MYH8: variants seen among roughly 807,000 people sequenced by gnomAD.
The protein encoded by MYH8 is myosin heavy chain 8, also known as myosin-8.
A neutral mutation model predicts 233.2 loss-of-function variants in MYH8; 168 were observed. The observed-to-expected ratio is 0.72, with a 90% CI of 0.64 to 0.82. The LOEUF (loss-of-function observed/expected upper bound fraction) is 0.82. MYH8 is among the 40% of genes least tolerant of loss of function. The pLI is 0.00. For synonymous variants in MYH8, 785 were observed against 850.6 expected, an observed-to-expected ratio of 0.92 and a Z score of 1.34; for missense variants, 1,995 against 2,327.8, an observed-to-expected ratio of 0.86 and a Z score of 2.94.
Position 10,392,542 on chromosome 17 carries a change from CT to C in MYH8, c.5567del (p.Gln1856ArgfsTer16). 3 of 1,613,470 alleles carry C rather than the reference CT, an allele frequency of 1.9e-6. 1 individual carries two copies. The highest frequency in any genetic ancestry group is 1.7e-4 in the Middle Eastern group (1 of 6,054). On this transcript the variant is annotated frameshift_variant and splice_region_variant, in exon 38 of 40. Transcript: ENST00000403437. LOFTEE classifies it high-confidence loss of function. ...HERRVKELTY[Q>X]TEEDRKNVLR... ...TATTCTGGAAGGCTATTCCCTTTAC[CT>C]GGTAGGTGAGTTCTTTTACTCGTCG...
In MYH8 at chr17:10,415,588, A is replaced by G; in HGVS notation, c.540-8T>C. Reference sequence around the variant, plus strand: ...CCGGCACCAGATTCTCCGCTGTCAAACAGAAATCAGAGAAGAGATCAGAGA... The same window carrying G: ...CCGGCACCAGATTCTCCGCTGTCAAGCAGAAATCAGAGAAGAGATCAGAGA... On this transcript the variant is annotated splice_region_variant and splice_polypyrimidine_tract_variant and intron_variant, in intron 6 of 39. Coordinates refer to ENST00000403437, the MANE Select transcript of MYH8 (RefSeq NM_002472.3). This position sits in a 1 kb window ranked among gnomAD's most constrained non-coding sequence, Gnocchi z 4.1. 2 of 1,614,156 alleles carry G rather than the reference A, an allele frequency of 1.2e-6. No individual in the cohort carries two copies. Among genetic ancestry groups the G allele is most frequent in the Non-Finnish European group, 1.7e-6 (2 of 1,179,978 alleles).
intron 17 of MYH8, 96 bp downstream of exon 17, chr17:10,409,001 T>C (rs558415873): frequency 8.9e-7 from 1 of 1,129,598 alleles, no homozygotes; most frequent in Non-Finnish European, 1.3e-6. Flanking sequence ...AAGTGATTCC[T>C]ATTAACATTT....
Position 10,404,340 on chromosome 17 carries a change from T to C in MYH8, c.2678A>G (p.Gln893Arg). 6.2e-7 allele frequency: 1 copy of C among 1,614,026 alleles called. No individual in the cohort carries two copies. The highest frequency in any genetic ancestry group is 8.5e-7 in the Non-Finnish European group (1 of 1,179,894). The change falls in exon 22 of 40, where the codon CAG becomes CGG. Residue 893 changes from glutamine to arginine, a missense_variant. Physicochemically the swap from Gln to Arg is conservative, Grantham distance 43. This residue lies in a region of MYH8 where 1,498 missense variants were observed against 1,680.9 expected (regional missense o/e 0.89). Transcript: ENST00000403437. ...ATATGGAGTACTCACAGATTGAACCTGGAGTTGCAGGTCATTTTTCTCTTT... is the reference window on the plus strand; with the variant it reads ...ATATGGAGTACTCACAGATTGAACCCGGAGTTGCAGGTCATTTTTCTCTTT... ...LLKEKNDLQL[Q>R]VQSEADSLAD...
Position 10,406,892 on chromosome 17 carries a change from C to T in MYH8, c.2053G>A (p.Gly685Arg). ...GATTATTTCACTCTCTGTGTCTTAC[C>T]AGGAGTTTTGGTTTCATTGGGAATG... Reference protein sequence around the residue: ...CIIPNETKTPGAMEHELVLHQ... With the variant: ...CIIPNETKTPRAMEHELVLHQ... Residue 685 changes from glycine (G) to arginine (R), a missense_variant and splice_region_variant, in exon 18 of 40, where the codon GGG becomes AGG. Gly to Arg is a moderately radical substitution (Grantham distance 125, BLOSUM62 -2). Transcript: ENST00000403437. The T allele has an allele frequency of 6.2e-7, 1 of 1,613,672 alleles. No individual in the cohort carries two copies. The highest frequency in any genetic ancestry group is 1.1e-5 in the South Asian group (1 of 91,046).
Position 10,401,707 on chromosome 17 carries a change from T to C in MYH8, c.2767A>G (p.Lys923Glu). 6.2e-7 allele frequency: 1 copy of C among 1,614,182 alleles called. No homozygotes were observed. The highest frequency in any genetic ancestry group is 8.5e-7 in the Non-Finnish European group (1 of 1,180,032). ...TCCTCAGCTCTTTCAGTCACCTCTT[T>C]GATTTTGGCCTCAAGTTGGATTTTG... Reference protein sequence around the residue: ...KNKIQLEAKIKEVTERAEEEE... With the variant: ...KNKIQLEAKIEEVTERAEEEE... Residue 923 changes from lysine (K) to glutamate (E), a missense_variant, in exon 23 of 40, where the codon AAA (lysine) becomes GAA (glutamate). Physicochemically the swap from Lys to Glu is moderately conservative, Grantham distance 56. Transcript: ENST00000403437.
In MYH8 at chr17:10,396,389, T is replaced by C; in HGVS notation, c.4594A>G (p.Ile1532Val). The part of the protein sequence containing the change: ...GGKQIHELEK[I>V]KKQVEQEKCE... ...TTCTCTTGTTCTACTTGCTTCTTTA[T>C]TTTCTCCAATTCATGAATTTGCTTT... Residue 1532 changes from isoleucine (I) to valine (V), a missense_variant, in exon 33 of 40, where the codon ATA (isoleucine) becomes GTA (valine). Physicochemically the swap from Ile to Val is conservative, Grantham distance 29. This residue lies in a region of MYH8 where 1,498 missense variants were observed against 1,680.9 expected (regional missense o/e 0.89). Coordinates refer to ENST00000403437, the MANE Select transcript of MYH8 (RefSeq NM_002472.3). This position sits in a 1 kb window ranked among gnomAD's most constrained non-coding sequence, Gnocchi z 4.2. The C allele has an allele frequency of 5.6e-6, 9 of 1,614,112 alleles. No individual in the cohort carries two copies. The highest frequency in any genetic ancestry group is 7.6e-6 in the Non-Finnish European group (9 of 1,180,028).
chr17:10,410,956 A>G lies in MYH8; in HGVS notation c.1417-9T>C. The G allele has an allele frequency of 1.2e-6, 2 of 1,614,148 alleles. No individual in the cohort carries two copies. The highest frequency in any genetic ancestry group is 1.7e-6 in the Non-Finnish European group (2 of 1,179,990). On this transcript the variant is annotated splice_polypyrimidine_tract_variant and intron_variant, in intron 14 of 39. Coordinates refer to ENST00000403437, the MANE Select transcript of MYH8 (RefSeq NM_002472.3). ...TGCTCCAGGCTGTTAAACTACACAA[A>G]ATAATAGAGATTTCCAACATCAAAT... is the stretch of plus-strand genomic sequence containing the variant.
chr17:10,392,149 G>C (rs945055850), intron 38 of MYH8, among the ~76,000 whole-genome samples, 172 bp from the exon 39 acceptor site: 9 of 152,162 alleles, frequency 5.9e-5, no homozygotes, highest in African/African-American at 2.4e-5. Flanking sequence ...TTTCCACTGT[G>C]CAGGTACTGT....
At chr17:10,394,120 G>T in intron 35 of MYH8, 129 bp downstream of exon 35, 1 of 1,233,064 alleles carries the variant, frequency 8.1e-7, no homozygotes, top group South Asian at 1.3e-5. Context: ...TAATAGCAAT[G>T]AGTATTTTTG....
In MYH8 at chr17:10,392,560, T is replaced by C. The variant is rs760983906; in HGVS notation, c.5550A>G (p.Val1850=). Residue 1850 remains valine, a synonymous_variant, in exon 38 of 40, where the codon GTA becomes GTG. Coordinates refer to ENST00000403437, the MANE Select transcript of MYH8 (RefSeq NM_002472.3). ...CCTTTACCTGGTAGGTGAGTTCTTT[T>C]ACTCGTCGCTCATGTTTCCGTAAAC... ...VKGLRKHERR[V]KELTYQTEED... is the part of the protein sequence containing the mutation. The C allele has an allele frequency of 3.7e-6, 6 of 1,614,064 alleles. No homozygotes were observed. Among genetic ancestry groups the C allele is most frequent in the Non-Finnish European group, 2.5e-6 (3 of 1,179,994 alleles).
At chr17:10,399,765 T>A in intron 27 of MYH8, 96 bp from the exon 28 acceptor site, 3 of 1,539,636 alleles carry the variant, frequency 1.9e-6, no homozygotes, top group Non-Finnish European at 2.7e-6. Context: ...TAAATTCATG[T>A]CAAGTGTGAG....
chr17:10,409,873 A>G (rs942498827), intron 15 of MYH8, among the ~76,000 whole-genome samples: 1 of 152,224 alleles, frequency 6.6e-6, no homozygotes, highest in Non-Finnish European at 1.5e-5. Context: ...TTTCCTATTC[A>G]GTGAATAAAT....
In MYH8 at chr17:10,396,117, C is replaced by G. The variant is rs2072075901; in HGVS notation, c.4653+213G>C. ...TTGTTCTTAGATTGCACATCTTTGC[C>G]TTAAAGCTTTACTCCATTTGACATC... On this transcript the variant is annotated intron_variant, in intron 33 of 39. Coordinates refer to ENST00000403437, the MANE Select transcript of MYH8 (RefSeq NM_002472.3). This position sits in a 1 kb window ranked among gnomAD's most constrained non-coding sequence, Gnocchi z 4.2. 6.6e-6 allele frequency among the ~76,000 whole-genome samples: 1 copy of G among 152,112 alleles called. No individual in the cohort carries two copies. Among genetic ancestry groups the G allele is most frequent in the Admixed American group, 6.6e-5 (1 of 15,266 alleles).
intron 9 of MYH8, 152 bp from the exon 10 acceptor site, chr17:10,414,636 C>CA: frequency 1.5e-6 from 1 of 675,202 alleles, no homozygotes; most frequent in Non-Finnish European, 2.7e-6. Flanking sequence ...CAGTGATTCT[C>CA]ACTGTCTAAG....
At chr17:10,401,509 A>ACC in intron 23 of MYH8, 34 bp downstream of exon 23, 1 of 1,614,088 alleles carries the variant, frequency 6.2e-7, no homozygotes, top group Non-Finnish European at 8.5e-7. Context: ...TGGTGGCAGA[A>ACC]CCTCTATACA....
intron 17 of MYH8, among the ~76,000 whole-genome samples, chr17:10,408,591 G>A (rs2072216225): frequency 6.6e-6 from 1 of 152,152 alleles, no homozygotes; most frequent in Admixed American, 6.5e-5. Context: ...AATCTCAAGA[G>A]ATATTTCGTA....
intron 11 of MYH8, 67 bp from the exon 12 acceptor site, chr17:10,414,107 T>A: frequency 1.2e-6 from 2 of 1,609,670 alleles, no homozygotes; most frequent in Non-Finnish European, 1.7e-6. Context: ...AATTTATACA[T>A]ATCCTAAGGT....
At chr17:10,399,799 G>T in intron 27 of MYH8, 130 bp from the exon 28 acceptor site, 1 of 1,326,280 alleles carries the variant, frequency 7.5e-7, no homozygotes, top group Non-Finnish European at 1.0e-6. Flanking sequence ...CATCAACTCT[G>T]TGGAACATGC....
Position 10,406,993 on chromosome 17 carries a change from C to A in MYH8, c.1966-14G>T. The stretch of plus-strand genomic sequence containing the variant: ...ATTTAAATTTTCCTAGAAAACCAGA[C>A]AGAAAGGACTTGATGAAAAAGTTCT... On this transcript the variant is annotated splice_polypyrimidine_tract_variant and intron_variant, in intron 17 of 39. Coordinates refer to ENST00000403437, the MANE Select transcript of MYH8 (RefSeq NM_002472.3). 6.2e-7 allele frequency: 1 copy of A among 1,602,134 alleles called. No homozygotes were observed. Among genetic ancestry groups the A allele is most frequent in the Non-Finnish European group, 8.6e-7 (1 of 1,169,184 alleles).
Sources: allele counts gnomAD v4.1 joint callset (sites outside exome capture counted in the v4.1 genomes callset), GRCh38; gene constraint gnomAD v4.1.1; regional missense constraint gnomAD v4.1.1; non-coding constraint Gnocchi (gnomAD v3.1); transcripts MANE v1.5; gene names NCBI Gene and HGNC (gene_info 2026-07-23, HGNC 2026-07-21).